PDLIM5: variants seen among roughly 807,000 people sequenced by gnomAD.
The protein encoded by PDLIM5 is PDZ and LIM domain protein 5.
In PDLIM5, 34 loss-of-function variants were observed where a neutral mutation model predicts 64.2. That is an observed-to-expected ratio of 0.53 (90% confidence interval 0.40 to 0.71). The LOEUF is 0.71. PDLIM5 is among the 30% of genes least tolerant of loss of function. The pLI is 0.00. For synonymous variants in PDLIM5, 253 were observed against 269.1 expected (o/e 0.94, Z 0.59); for missense variants, 683 against 733.6 (o/e 0.93, Z 0.80).
At chr4:94,560,042 A>G (rs1346667494) in intron 3 of PDLIM5, among the ~76,000 whole-genome samples, 1 of 152,136 alleles carries the variant, frequency 6.6e-6, no homozygotes, top group East Asian at 1.9e-4. Context: ...TCCATTGCCA[A>G]TCATTGTGGT....
chr4:94,587,375 C>T (rs145963690), intron 7 of PDLIM5: 24 of 1,111,964 alleles, frequency 2.2e-5, no homozygotes, highest in South Asian at 2.0e-4. Context: ...TCTTGGAAAA[C>T]GAATTATTTT....
chr4:94,540,132 C>CT (rs10606217), intron 3 of PDLIM5, among the ~76,000 whole-genome samples: 218 of 140,568 alleles, frequency 1.6e-3, no homozygotes, highest in Middle Eastern at 7.7e-3. Context: ...TACTATTCTT[C>CT]TTTTTTTTTT....
At chr4:94,647,554 A>G (rs773678433) in intron 9 of PDLIM5, among the ~76,000 whole-genome samples, 5 of 152,144 alleles carry the variant, frequency 3.3e-5, no homozygotes, top group Admixed American at 6.6e-5. Flanking sequence ...ATAGTTGGAA[A>G]CTTCAACACT....
chr4:94,577,272 C>T, intron 5 of PDLIM5: 1 of 456,698 alleles, frequency 2.2e-6, no homozygotes. Context: ...GAGATAATCC[C>T]TTCTGAATGT....
rs184946184 is a variant in PDLIM5, at chr4:94,571,252, A to G, written c.249-2099A>G. Among the ~76,000 whole-genome samples, 44 of 152,258 alleles carry G rather than the reference A, an allele frequency of 2.9e-4. No individual in the cohort carries two copies. In the Middle Eastern group the frequency reaches 0.01, roughly 35 times the overall value. On this transcript the variant is annotated intron_variant, in intron 3 of 12. Transcript: ENST00000317968. ...CAGTTATCACTTAAAACTCCTTTCA[A>G]CTGTTCAGGTAGAGGTTCTGAAACT...
Position 94,585,668 on chromosome 4 carries a change from C to T in PDLIM5, c.814C>T (p.Arg272Cys), listed in dbSNP as rs759443196. The T allele has an allele frequency of 5.6e-6, 9 of 1,613,246 alleles. No individual in the cohort carries two copies. In the East Asian group the frequency reaches 1.3e-4, roughly 24 times the overall value. Residue 272 changes from arginine to cysteine, a missense_variant, in exon 6 of 13, where the codon CGT becomes TGT. Physicochemically the swap from Arg to Cys is radical, Grantham distance 180. Coordinates refer to ENST00000317968, the MANE Select transcript of PDLIM5 (RefSeq NM_006457.5). ...ACTGATTGAGGATACTGAAGACTGG[C>T]GTCCAAGGACTGGAACAACTCAGTC... The part of the protein sequence containing the change: ...KRLIEDTEDW[R>C]PRTGTTQSRS...
chr4:94,622,467 T>C (rs951582827), intron 8 of PDLIM5, among the ~76,000 whole-genome samples: 11 of 152,220 alleles, frequency 7.2e-5, no homozygotes, highest in Non-Finnish European at 1.0e-4. Context: ...AAAATGAGAA[T>C]GAATAATTCA....
rs1395536549 is a variant in PDLIM5, at chr4:94,664,320, CT to C, written c.*254del. On this transcript the variant is annotated 3_prime_UTR_variant, in exon 13 of 13. Transcript: ENST00000317968. Reference sequence around the variant, plus strand: ...AATAAGCTTTATAAAAACCAATTTCCTGATGGACTATTAAATTCATCTTAGA... The same window carrying C: ...AATAAGCTTTATAAAAACCAATTTCCGATGGACTATTAAATTCATCTTAGA... 1 of 762,710 alleles carries C rather than the reference CT, an allele frequency of 1.3e-6. No homozygotes were observed. Among genetic ancestry groups the C allele is most frequent in the Admixed American group, 5.4e-5 (1 of 18,376 alleles). 47.2% of individuals were successfully genotyped at this position (762,710 alleles called of 1,614,324 possible). A position where few individuals can be genotyped will look rare whatever the true frequency, so the allele number is the denominator to read the frequency against.
At chr4:94,489,360 TA>T (rs1726649712) in intron 2 of PDLIM5, among the ~76,000 whole-genome samples, 1 of 152,130 alleles carries the variant, frequency 6.6e-6, no homozygotes, top group Admixed American at 6.6e-5. Context: ...TATACATGTA[TA>T]TTATACATAC....
At chr4:94,519,475 C>T (rs187340582) in intron 2 of PDLIM5, among the ~76,000 whole-genome samples, 1 of 152,098 alleles carries the variant, frequency 6.6e-6, no homozygotes, top group African/African-American at 2.4e-5. Context: ...CAGCAAATGG[C>T]AGAACATGAA....
intron 8 of PDLIM5, 136 bp downstream of exon 8, chr4:94,618,327 TA>T (rs143842733): frequency 0.025 from 12,735 of 508,512 alleles, 1,300 homozygotes; most frequent in African/African-American, 0.22. Flanking sequence ...CTATCAGGAT[TA>T]AACTATAGCT....
intron 5 of PDLIM5, among the ~76,000 whole-genome samples, chr4:94,576,876 ATTTTT>A (rs761089029): frequency 2.0e-4 from 30 of 151,502 alleles, no homozygotes; most frequent in Non-Finnish European, 3.4e-4. Flanking sequence ...TTATTTGTTT[ATTTTT>A]TTTTAACACT....
intron 7 of PDLIM5, among the ~76,000 whole-genome samples, chr4:94,614,961 G>T (rs1180070580): frequency 6.6e-6 from 1 of 152,156 alleles, no homozygotes; most frequent in Non-Finnish European, 1.5e-5. Context: ...TGCTTATTTA[G>T]TAAATGTACT....
chr4:94,504,555 G>C (rs903206574), intron 2 of PDLIM5, among the ~76,000 whole-genome samples: 3 of 152,210 alleles, frequency 2.0e-5, no homozygotes, highest in Admixed American at 2.0e-4. Context: ...AAAGTGCTGG[G>C]ATTACAGGTG....
intron 7 of PDLIM5, among the ~76,000 whole-genome samples, chr4:94,589,607 T>A (rs910217668): frequency 2.0e-5 from 3 of 152,226 alleles, no homozygotes; most frequent in Non-Finnish European, 4.4e-5. Context: ...TGACCTAATT[T>A]ATGACTTGTT....
At chr4:94,507,646 G>C (rs987935521) in intron 2 of PDLIM5, among the ~76,000 whole-genome samples, 1 of 152,182 alleles carries the variant, frequency 6.6e-6, no homozygotes, top group Non-Finnish European at 1.5e-5. Flanking sequence ...TGGTAGTACT[G>C]ATAATTTTTG....
chr4:94,530,693 A>G (rs1402555077), intron 3 of PDLIM5, among the ~76,000 whole-genome samples: 2 of 152,062 alleles, frequency 1.3e-5, no homozygotes, highest in Non-Finnish European at 2.9e-5. Context: ...TGAGTTTTGA[A>G]AAATATTGAT....
chr4:94,473,317 A>G lies in PDLIM5; in HGVS notation c.96+17933A>G, dbSNP rs917179513. Among the ~76,000 whole-genome samples, 124 of 152,178 alleles carry G rather than the reference A, an allele frequency of 8.1e-4. 1 individual carries two copies. The highest frequency in any genetic ancestry group is 5.9e-4 in the Admixed American group (9 of 15,278). On this transcript the variant is annotated intron_variant, in intron 2 of 12. Transcript: ENST00000317968. The stretch of plus-strand genomic sequence containing the variant: ...CACTCTGTTGCCGAGGCTGGAGTAC[A>G]GTGGCACAATCTTGGCTCACTGCAA...
chr4:94,644,600 A>G (rs1013400469), intron 9 of PDLIM5, among the ~76,000 whole-genome samples: 1 of 150,158 alleles, frequency 6.7e-6, no homozygotes, highest in African/African-American at 2.5e-5. Context: ...ATCTCGGCTC[A>G]CTGCAACCTC....
Sources: allele counts gnomAD v4.1 joint callset (sites outside exome capture counted in the v4.1 genomes callset), GRCh38; gene constraint gnomAD v4.1.1; transcripts MANE v1.5; gene names NCBI Gene and HGNC (gene_info 2026-07-23, HGNC 2026-07-21).